Variants in THADA observed in about 807,000 individuals in gnomAD.
The protein encoded by THADA is THADA armadillo repeat containing.
THADA carries 213 observed loss-of-function variants against 219.8 expected under a neutral mutation model. The ratio of observed to expected loss-of-function variants is 0.97; its 90% CI spans 0.87 to 1.09. The LOEUF (loss-of-function observed/expected upper bound fraction) is 1.09. Among genes scored for constraint, THADA ranks in the 50% least tolerant of loss-of-function variants. The pLI is 0.00. For missense variants in THADA, 2,956 were observed against 2,311.3 expected (o/e 1.28, Z -5.72); for synonymous variants, 1,018 against 828.9 (o/e 1.23, Z -3.92).
intron 26 of THADA, among the ~76,000 whole-genome samples, chr2:43,473,873 T>A (rs1558818137): frequency 6.6e-6 from 1 of 152,118 alleles, no homozygotes. Context: ...CCTCCCAGAT[T>A]ACAGGGATTA....
intron 26 of THADA, among the ~76,000 whole-genome samples, chr2:43,461,831 C>T (rs547701575): frequency 6.6e-6 from 1 of 152,310 alleles, no homozygotes; most frequent in East Asian, 1.9e-4. Context: ...CAATCAAAGG[C>T]CTGAAAATGT....
Position 43,271,469 on chromosome 2 carries a change from G to A in THADA, c.5296+8296C>T, listed in dbSNP as rs541052555. 7.8e-4 allele frequency among the ~76,000 whole-genome samples: 118 copies of A among 152,174 alleles called. 1 individual carries two copies. The highest frequency in any genetic ancestry group is 1.3e-3 in the Non-Finnish European group (90 of 68,012). On this transcript the variant is annotated intron_variant, in intron 36 of 37. Transcript: ENST00000405975. Reference sequence around the variant, plus strand: ...TGAAAAACACTAAGCTTCTTACTGGGTTTAACTACTTTGATAGATACATTC... The same window carrying A: ...TGAAAAACACTAAGCTTCTTACTGGATTTAACTACTTTGATAGATACATTC...
intron 26 of THADA, among the ~76,000 whole-genome samples, chr2:43,459,336 C>T (rs2104922892): frequency 6.6e-6 from 1 of 152,258 alleles, no homozygotes; most frequent in African/African-American, 2.4e-5. Context: ...TTCCTTGACT[C>T]CCCCAATCCC....
chr2:43,329,817 C>T (rs762185838), intron 30 of THADA, among the ~76,000 whole-genome samples: 34 of 152,300 alleles, frequency 2.2e-4, no homozygotes, highest in South Asian at 4.2e-4. Context: ...AAAAGCAAGG[C>T]TCCAAGTGCA....
intron 29 of THADA, among the ~76,000 whole-genome samples, chr2:43,360,824 A>G (rs996132761): frequency 7.2e-5 from 11 of 152,160 alleles, no homozygotes; most frequent in Non-Finnish European, 1.6e-4. Flanking sequence ...CCTTTTAGCC[A>G]ATTATTGGGA....
intron 21 of THADA, among the ~76,000 whole-genome samples, chr2:43,538,139 A>T (rs923801779): frequency 6.6e-6 from 1 of 152,154 alleles, no homozygotes; most frequent in Non-Finnish European, 1.5e-5. Context: ...CTCCAGGTGG[A>T]GGAAGCTGTT....
chr2:43,250,135 G>A (rs971932043), intron 36 of THADA, among the ~76,000 whole-genome samples: 4 of 152,112 alleles, frequency 2.6e-5, no homozygotes, highest in Non-Finnish European at 5.9e-5. Flanking sequence ...GTAGCCAAGA[G>A]GTGGAAACAA....
intron 31 of THADA, among the ~76,000 whole-genome samples, chr2:43,297,536 C>A (rs1384933897): frequency 9.0e-6 from 1 of 111,356 alleles, no homozygotes; most frequent in Non-Finnish European, 1.8e-5. Flanking sequence ...CCGTGCCGTC[C>A]GGGAGGGAGG....
chr2:43,464,969 G>A (rs1339191930), intron 26 of THADA, among the ~76,000 whole-genome samples: 1 of 152,084 alleles, frequency 6.6e-6, no homozygotes, highest in Admixed American at 6.6e-5. Context: ...AAAAAACCCT[G>A]CCGGCAAAGA....
chr2:43,378,611 CTTTT>C, intron 29 of THADA, among the ~76,000 whole-genome samples: 1 of 152,110 alleles, frequency 6.6e-6, no homozygotes, highest in East Asian at 1.9e-4. Flanking sequence ...ATAGTATCTT[CTTTT>C]TTCTTTTTGA....
intron 4 of THADA, among the ~76,000 whole-genome samples, chr2:43,588,183 C>T (rs1043077869): frequency 9.2e-5 from 14 of 151,614 alleles, no homozygotes; most frequent in African/African-American, 2.4e-4. Flanking sequence ...CAAAGATGGA[C>T]GATTCAACAG....
chr2:43,428,269 T>C (rs768503777), intron 27 of THADA, 38 bp from the exon 28 acceptor site: 3 of 1,546,992 alleles, frequency 1.9e-6, no homozygotes, highest in Non-Finnish European at 2.6e-6. Flanking sequence ...GATTTCACAT[T>C]TAGGTAGTGA....
At chr2:43,415,259 G>A (rs1425039746) in intron 28 of THADA, among the ~76,000 whole-genome samples, 1 of 152,122 alleles carries the variant, frequency 6.6e-6, no homozygotes, top group African/African-American at 2.4e-5. Context: ...GCTCATAATG[G>A]AGGAGGCATC....
At chr2:43,267,593 C>G (rs1047943486) in intron 36 of THADA, among the ~76,000 whole-genome samples, 13 of 152,162 alleles carry the variant, frequency 8.5e-5, no homozygotes, top group African/African-American at 3.1e-4. Flanking sequence ...CTGATAAGAT[C>G]CATGGAAGTG....
chr2:43,544,028 C>T (rs1396005602), intron 20 of THADA, among the ~76,000 whole-genome samples: 1 of 152,022 alleles, frequency 6.6e-6, no homozygotes, highest in Non-Finnish European at 1.5e-5. Context: ...GTCTTTAATC[C>T]GTCTTGAATT....
chr2:43,541,929 T>C (rs1695377517), intron 20 of THADA, among the ~76,000 whole-genome samples: 1 of 152,240 alleles, frequency 6.6e-6, no homozygotes, highest in Non-Finnish European at 1.5e-5. Context: ...TGGATGACTA[T>C]AATAAATACA....
At chr2:43,371,307 T>C (rs546696526) in intron 29 of THADA, among the ~76,000 whole-genome samples, 1 of 152,304 alleles carries the variant, frequency 6.6e-6, no homozygotes, top group South Asian at 2.1e-4. Context: ...AAAGTAGCAA[T>C]ACAACTTGAA....
At chr2:43,249,220 TG>T (rs34931338) in intron 36 of THADA, among the ~76,000 whole-genome samples, 1 of 152,044 alleles carries the variant, frequency 6.6e-6, no homozygotes, top group Non-Finnish European at 1.5e-5. Context: ...CCTGAGTAAC[TG>T]GAACTACAGA....
chr2:43,385,774 C>CTGATCTCTTTGAA (rs1464493958), intron 29 of THADA, among the ~76,000 whole-genome samples: 2 of 151,606 alleles, frequency 1.3e-5, no homozygotes, highest in Non-Finnish European at 2.9e-5. Flanking sequence ...GTTAATTATA[C>CTGATCTCTTTGAA]TGATCTCTTT....
Sources: allele counts gnomAD v4.1 joint callset (sites outside exome capture counted in the v4.1 genomes callset), GRCh38; gene constraint gnomAD v4.1.1; transcripts MANE v1.5; gene names NCBI Gene and HGNC (gene_info 2026-07-23, HGNC 2026-07-21).